The following TTLL5 variants were observed in gnomAD, a reference collection of about 807,000 sequenced individuals.
TTLL5 encodes tubulin polyglutamylase TTLL5.
TTLL5 carries 132 observed loss-of-function variants against 168.4 expected under a neutral mutation model. The observed-to-expected ratio is 0.78, with a 90% CI of 0.68 to 0.91. The LOEUF is 0.91. Among genes scored for constraint, TTLL5 ranks in the 40% least tolerant of loss-of-function variants. The pLI is 0.00. For missense variants in TTLL5, 1,545 were observed against 1,581.5 expected (o/e 0.98, Z 0.39); for synonymous variants, 546 against 558.6 (o/e 0.98, Z 0.32).
chr14:75,884,443 G>A (rs578035416), intron 30 of TTLL5, among the ~76,000 whole-genome samples: 1 of 152,344 alleles, frequency 6.6e-6, no homozygotes, highest in South Asian at 2.1e-4. Context: ...GAACTCTGCA[G>A]CCTCCTGAGA....
In TTLL5 at chr14:75,798,994, A is replaced by G. The variant is rs377332243; in HGVS notation, c.3171+5894A>G. Among the ~76,000 whole-genome samples the G allele has an allele frequency of 9.9e-5, 15 of 152,112 alleles. No individual in the cohort carries two copies. In the East Asian group the frequency reaches 2.5e-3, roughly 25 times the overall value. On this transcript the variant is annotated intron_variant, in intron 27 of 31. Transcript: ENST00000298832. ...CCGTTAACTCCATTTGTTCTAGGGT[A>G]TGGTTTATGTCTGTTGTCTCTTTGT... is the stretch of plus-strand genomic sequence containing the variant.
chr14:75,786,259 C>T (rs933228817), intron 26 of TTLL5, among the ~76,000 whole-genome samples: 1 of 151,950 alleles, frequency 6.6e-6, no homozygotes, highest in Non-Finnish European at 1.5e-5. Context: ...ATTTTTTCCC[C>T]ATGTAAGAAA....
intron 12 of TTLL5, among the ~76,000 whole-genome samples, chr14:75,724,672 A>G (rs1412714086): frequency 6.6e-6 from 1 of 152,202 alleles, no homozygotes; most frequent in Non-Finnish European, 1.5e-5. Context: ...GGGCTTCAGA[A>G]GATGGGTTTT....
intron 3 of TTLL5, among the ~76,000 whole-genome samples, chr14:75,675,127 A>G (rs901761535): frequency 1.4e-4 from 21 of 152,204 alleles, no homozygotes; most frequent in Non-Finnish European, 2.5e-4. Flanking sequence ...TCAAGTATTC[A>G]TTCTTAAATT....
At position 75,793,015 on chromosome 14, in the gene TTLL5, T is replaced by C; in HGVS notation, c.3086T>C (p.Val1029Ala). The C allele has an allele frequency of 6.2e-7, 1 of 1,613,870 alleles. No individual in the cohort carries two copies. Among genetic ancestry groups the C allele is most frequent in the African/African-American group, 1.3e-5 (1 of 75,034 alleles). The change falls in exon 27 of 32, where the codon GTT becomes GCT. Residue 1029 changes from valine to alanine, a missense_variant. Coordinates refer to ENST00000298832, the MANE Select transcript of TTLL5 (RefSeq NM_015072.5). ...LYSKRYNQSM[V>A]TAELQRLAEK... Reference sequence around the variant, plus strand: ...AGCAAACGGTACAACCAAAGTATGGTTACAGCTGAACTTCAGCGGCTAGCT... The same window carrying C: ...AGCAAACGGTACAACCAAAGTATGGCTACAGCTGAACTTCAGCGGCTAGCT...
chr14:75,880,357 G>A (rs979885167), intron 29 of TTLL5, among the ~76,000 whole-genome samples: 2 of 152,146 alleles, frequency 1.3e-5, no homozygotes, highest in Admixed American at 6.5e-5. Context: ...TTATTGAATA[G>A]ATGTTCTTAC....
intron 30 of TTLL5, among the ~76,000 whole-genome samples, chr14:75,895,609 TATAAA>T: frequency 6.6e-6 from 1 of 152,184 alleles, no homozygotes; most frequent in East Asian, 1.9e-4. Context: ...TAATGAAAAT[TATAAA>T]ATATTTTAAA....
intron 28 of TTLL5, among the ~76,000 whole-genome samples, chr14:75,837,934 C>CA (rs1251132741): frequency 6.6e-5 from 10 of 152,092 alleles, no homozygotes. Context: ...TCTTGATAGA[C>CA]ACTTGGTTTA....
At chr14:75,844,460 T>C (rs1218893923) in intron 28 of TTLL5, among the ~76,000 whole-genome samples, 1 of 152,200 alleles carries the variant, frequency 6.6e-6, no homozygotes, top group Non-Finnish European at 1.5e-5. Flanking sequence ...CAGGGGCTAT[T>C]TTAAGTTATG....
rs773980867 is a variant in TTLL5 at position 75,765,999 on chromosome 14, G to A, written c.1709-63G>A. 73 of 1,427,556 alleles carry A rather than the reference G, an allele frequency of 5.1e-5. 1 individual carries two copies. Among genetic ancestry groups the A allele is most frequent in the Middle Eastern group, 2.4e-4 (1 of 4,194 alleles). The allele number at this position is 1,427,556 out of a possible 1,614,324, so 88.4% of individuals were successfully genotyped here. On this transcript the variant is annotated intron_variant, in intron 19 of 31. Transcript: ENST00000298832. ...GCTTTTACTAAAAAGAGAAAAGGAA[G>A]GTATTGGGAGAGAGGAACATTTAAT...
intron 28 of TTLL5, among the ~76,000 whole-genome samples, chr14:75,828,575 G>T (rs1048812487): frequency 3.9e-5 from 6 of 151,990 alleles, no homozygotes; most frequent in Non-Finnish European, 5.9e-5. Flanking sequence ...TTTTGTGGGG[G>T]GTCAGAAGTT....
chr14:75,721,236 C>T (rs1033266996), intron 12 of TTLL5, among the ~76,000 whole-genome samples: 4 of 152,046 alleles, frequency 2.6e-5, no homozygotes, highest in Non-Finnish European at 4.4e-5. Context: ...CCCCCAACTC[C>T]TTGACTGCAC....
intron 27 of TTLL5, among the ~76,000 whole-genome samples, chr14:75,818,727 C>A (rs1179244036): frequency 6.6e-6 from 1 of 150,616 alleles, no homozygotes; most frequent in African/African-American, 2.4e-5. Flanking sequence ...TCTCGGTCTC[C>A]TAACCTCGTG....
intron 13 of TTLL5, 106 bp downstream of exon 13, chr14:75,732,525 T>C: frequency 1.1e-6 from 1 of 949,202 alleles, no homozygotes; most frequent in Admixed American, 2.5e-5. Context: ...GTTTTTTTCC[T>C]AGTTATTAGG....
intron 29 of TTLL5, among the ~76,000 whole-genome samples, chr14:75,865,373 G>T (rs575437562): frequency 1.3e-5 from 2 of 151,790 alleles, no homozygotes; most frequent in Non-Finnish European, 2.9e-5. Flanking sequence ...ATACTGGATA[G>T]TGGAAGTATC....
At chr14:75,850,738 G>A (rs78142237) in intron 28 of TTLL5, among the ~76,000 whole-genome samples, 3,332 of 152,200 alleles carry the variant, frequency 0.022, 64 homozygotes, top group Non-Finnish European at 0.032. Context: ...AAAACATAAA[G>A]CCTTTCACAT....
In TTLL5 at chr14:75,820,092, G is replaced by C; in HGVS notation, c.3257G>C (p.Ser1086Thr). 6.2e-7 allele frequency: 1 copy of C among 1,609,710 alleles called. No homozygotes were observed. Among genetic ancestry groups the C allele is most frequent in the Non-Finnish European group, 8.5e-7 (1 of 1,178,316 alleles). Residue 1086 changes from serine to threonine, a missense_variant, in exon 28 of 32, where the codon AGT becomes ACT. Physicochemically the swap from Ser to Thr is moderately conservative, Grantham distance 58 (BLOSUM62 1). Coordinates refer to ENST00000298832, the MANE Select transcript of TTLL5 (RefSeq NM_015072.5). ...ACCCTCCGACCCATCATCAGTCCTA[G>C]TGGCCCGACATGGTCTACACAGTCA... ...PPTLRPIISP[S>T]GPTWSTQSDP...
At chr14:75,886,915 A>T in intron 30 of TTLL5, 3 of 1,439,028 alleles carry the variant, frequency 2.1e-6, no homozygotes, top group Non-Finnish European at 2.7e-6. Context: ...ACTCAGACTG[A>T]ATGAATTTGA....
intron 28 of TTLL5, among the ~76,000 whole-genome samples, chr14:75,824,348 A>G (rs183229846): frequency 4.1e-4 from 63 of 152,284 alleles, no homozygotes; most frequent in African/African-American, 1.4e-3. Context: ...GAGCAGTGGC[A>G]GGGGGCATAT....
Sources: gnomAD v4.1 joint callset for allele counts (sites outside exome capture counted in the v4.1 genomes callset) on GRCh38, gnomAD v4.1.1 for gene constraint, MANE v1.5 for transcripts, NCBI Gene and HGNC (gene_info 2026-07-23, HGNC 2026-07-21) for gene names.